The following ZNF394 variants were observed in gnomAD, a reference collection of about 807,000 sequenced individuals.
The protein encoded by ZNF394 is zinc finger protein 99.
ZNF394 carries 19 observed loss-of-function variants against 21.8 expected under a neutral mutation model. The ratio of observed to expected loss-of-function variants is 0.87; its 90% CI spans 0.61 to 1.28. The LOEUF is 1.28. ZNF394 is among the 50% of genes most tolerant of loss of function. The probability of loss-of-function intolerance (pLI) is 0.00; values close to 1 mark genes in which losing one functional copy is unlikely to be tolerated. For synonymous variants in ZNF394, 294 were observed against 273.3 expected (o/e 1.08, Z -0.75); for missense variants, 683 against 708.6 (o/e 0.96, Z 0.41).
At chr7:99,495,301 C>A (rs1281398205) in intron 2 of ZNF394, among the ~76,000 whole-genome samples, 3 of 151,132 alleles carry the variant, frequency 2.0e-5, no homozygotes, top group Admixed American at 6.6e-5. Context: ...GCCACAGCAC[C>A]CAGCCTATAT....
intron 2 of ZNF394, chr7:99,498,054 A>G (rs1800393602): frequency 6.6e-6 from 1 of 152,198 alleles, no homozygotes; most frequent in Admixed American, 6.5e-5. Context: ...ACTCCAACAT[A>G]GAAACAAATA....
downstream of ZNF394, among the ~76,000 whole-genome samples, chr7:99,492,354 T>C (rs1421760489): frequency 1.3e-5 from 2 of 151,270 alleles, no homozygotes; most frequent in African/African-American, 4.9e-5. Context: ...CAAAAGTGAA[T>C]AAAAAGGCCG....
rs1211179214 is a variant in ZNF394 at position 99,494,589 on chromosome 7, T to A, written c.626A>T (p.Gln209Leu). 3 of 1,602,434 alleles carry A rather than the reference T, an allele frequency of 1.9e-6. No homozygotes were observed. The East Asian group carries it at 6.7e-5, about 36-fold the overall frequency. The change falls in exon 3 of 3, where the codon CAA (glutamine) becomes CTA (leucine). Residue 209 changes from glutamine to leucine, a missense_variant. Gln to Leu is a moderately radical substitution (Grantham distance 113, BLOSUM62 -2). Coordinates refer to ENST00000337673, the MANE Select transcript of ZNF394 (RefSeq NM_032164.4). ...TGGCTCCGCTTCTTCTAAAATTTGT[T>A]GCATTGGAATCAACTCTTTGTTCTC... ...RVENKELIPM[Q>L]QILEEAEPQG...
intron 1 of ZNF394, chr7:99,487,183 C>A (rs2151075796): frequency 6.2e-7 from 1 of 1,614,132 alleles, no homozygotes; most frequent in East Asian, 2.2e-5. Flanking sequence ...CTTTGGCCGG[C>A]ATTCAACCCT....
chr7:99,494,906 T>C (rs1800258753), intron 2 of ZNF394, among the ~76,000 whole-genome samples: 1 of 151,528 alleles, frequency 6.6e-6, no homozygotes, highest in Non-Finnish European at 1.5e-5. Context: ...AGCTAATTTT[T>C]GTATTTTTAT....
At chr7:99,490,212 C>T (rs1473217575), downstream of ZNF394, among the ~76,000 whole-genome samples, 2 of 137,494 alleles carry the variant, frequency 1.5e-5, no homozygotes, top group African/African-American at 5.5e-5. Flanking sequence ...TGGAGTGCAG[C>T]GGTGAGATCT....
In ZNF394 at chr7:99,499,835, C is replaced by G. The variant is rs1029677557; in HGVS notation, c.259G>C (p.Glu87Gln). Residue 87 changes from glutamate (E) to glutamine (Q), a missense_variant, in exon 1 of 3, where the codon GAA becomes CAA. This residue lies in a region of ZNF394 where 402 missense variants were observed against 373.8 expected (regional missense o/e 1.08). Coordinates refer to ENST00000337673, the MANE Select transcript of ZNF394 (RefSeq NM_032164.4). ...GPEEALSRLR[E>Q]LCRRWLRPEL... is the part of the protein sequence containing the mutation. ...GGTCTCAGCCACCGACGACAGAGTTCTCGGAGCCGGCTCAGCGCCTCTTCC... is the reference window on the plus strand; with the variant it reads ...GGTCTCAGCCACCGACGACAGAGTTGTCGGAGCCGGCTCAGCGCCTCTTCC... 4 of 1,614,228 alleles carry G rather than the reference C, an allele frequency of 2.5e-6. No individual in the cohort carries two copies. Among genetic ancestry groups the G allele is most frequent in the Non-Finnish European group, 3.4e-6 (4 of 1,180,042 alleles).
In ZNF394 at chr7:99,493,774, G is replaced by A. The variant is rs376637716; in HGVS notation, c.1441C>T (p.Arg481Cys). ...CTGTGGTGTTTAAAGAGGTCAGAGC[G>A]CTGTTTGAAGCTCTTCTCGCATTCT... ...CEECEKSFKQ[R>C]SDLFKHHRIH... The change falls in exon 3 of 3, where the codon CGC (arginine) becomes TGC (cysteine). Residue 481 changes from arginine (R) to cysteine (C), a missense_variant. By Grantham distance (180) the Arg-to-Cys change is radical (BLOSUM62 -3). Coordinates refer to ENST00000337673, the MANE Select transcript of ZNF394 (RefSeq NM_032164.4). 24 of 1,614,126 alleles carry A rather than the reference G, an allele frequency of 1.5e-5. No homozygotes were observed. Among genetic ancestry groups the A allele is most frequent in the Admixed American group, 3.3e-5 (2 of 60,014 alleles).
chr7:99,492,975 C>T (rs1020781878), downstream of ZNF394, among the ~76,000 whole-genome samples: 19 of 152,004 alleles, frequency 1.2e-4, no homozygotes, highest in Admixed American at 2.0e-4. Context: ...AAAGGTAGAG[C>T]GCAGATAACA....
chr7:99,491,360 T>A (rs976244207), downstream of ZNF394, among the ~76,000 whole-genome samples: 28 of 152,152 alleles, frequency 1.8e-4, no homozygotes, highest in Admixed American at 4.6e-4. Context: ...ATAAGGGTGC[T>A]AAGAGCATCT....
chr7:99,493,984 C>T lies in ZNF394; in HGVS notation c.1231G>A (p.Glu411Lys), dbSNP rs760948373. 14 of 1,614,110 alleles carry T rather than the reference C, an allele frequency of 8.7e-6. No homozygotes were observed. Among genetic ancestry groups the T allele is most frequent in the Non-Finnish European group, 1.1e-5 (13 of 1,180,046 alleles). Residue 411 changes from glutamate (E) to lysine (K), a missense_variant, in exon 3 of 3, where the codon GAG becomes AAG. Physicochemically the swap from Glu to Lys is moderately conservative, Grantham distance 56 (BLOSUM62 1). This residue lies in a region of ZNF394 where 274 missense variants were observed against 314.1 expected (regional missense o/e 0.87). Transcript: ENST00000337673. ...LTKHQRTHTGEKPYTCLKCGE... is the reference protein window; with the variant it reads ...LTKHQRTHTGKKPYTCLKCGE... ...CATTTCAGACAGGTGTACGGCTTCT[C>T]GCCTGTGTGTGTCCTCTGGTGCTTG...
downstream of ZNF394, among the ~76,000 whole-genome samples, chr7:99,491,642 G>A (rs1349018095): frequency 3.3e-5 from 5 of 151,814 alleles, no homozygotes; most frequent in Admixed American, 3.3e-4. Context: ...CGGGTGTGGT[G>A]GCGAGTGCCT....
chr7:99,487,138 G>C, intron 1 of ZNF394: 1 of 1,614,168 alleles, frequency 6.2e-7, no homozygotes, highest in Non-Finnish European at 8.5e-7. Context: ...CCATAGTGGA[G>C]AAAAACGCCA....
downstream of ZNF394, among the ~76,000 whole-genome samples, chr7:99,490,645 A>G (rs2151078912): frequency 6.6e-6 from 1 of 151,466 alleles, no homozygotes; most frequent in East Asian, 2.0e-4. Context: ...TTTTTTTAAA[A>G]AAAAAGATAG....
rs1443988032 is a variant in ZNF394 at position 99,498,836 on chromosome 7, C to A, written c.463G>T (p.Val155Leu). The change falls in exon 2 of 3, where the codon GTG (valine) becomes TTG (leucine). Residue 155 changes from valine (V) to leucine (L), a missense_variant. Val to Leu is a conservative substitution (Grantham distance 32, BLOSUM62 1). Around this residue, in one of 3 missense-constraint regions of ZNF394, gnomAD observed 402 missense variants for 373.8 expected, o/e 1.08. Coordinates refer to ENST00000337673, the MANE Select transcript of ZNF394 (RefSeq NM_032164.4). Reference sequence around the variant, plus strand: ...GACACAGCCGTGTCCTCGAAAGTCACCATCCCCTGGAACAACACAAGAGCC... The same window carrying A: ...GACACAGCCGTGTCCTCGAAAGTCAACATCCCCTGGAACAACACAAGAGCC... ...ALDGTSSQGM[V>L]TFEDTAVSLT... 1 of 1,612,736 alleles carries A rather than the reference C, an allele frequency of 6.2e-7. No individual in the cohort carries two copies. Among genetic ancestry groups the A allele is most frequent in the South Asian group, 1.1e-5 (1 of 90,952 alleles).
rs1206330509 is a variant in ZNF394 at position 99,497,122 on chromosome 7, G to GTATATATATATA, written c.583+1582_583+1593dup. 3.1e-4 allele frequency among the ~76,000 whole-genome samples: 25 copies of GTATATATATATA among 79,418 alleles called. 1 individual carries two copies. The highest frequency in any genetic ancestry group is 5.3e-3 in the Middle Eastern group (1 of 190). 52.1% of individuals were successfully genotyped at this position (79,418 alleles called of 152,430 possible). On this transcript the variant is annotated intron_variant, in intron 2 of 2. Transcript: ENST00000337673. ...TGTGTGTGTGTGTGTGTGTGTGTGT[G>GTATATATATATA]TATATATATATATATATATGTATAT...
Position 99,499,809 on chromosome 7 carries a change from G to C in ZNF394, c.285C>G (p.Pro95=), listed in dbSNP as rs1483162320. The C allele has an allele frequency of 6.2e-7, 1 of 1,614,174 alleles. No homozygotes were observed. The highest frequency in any genetic ancestry group is 8.5e-7 in the Non-Finnish European group (1 of 1,180,036). Residue 95 remains proline (P), a synonymous_variant, in exon 1 of 3, where the codon CCC becomes CCG. Transcript: ENST00000337673. ...GGATCTGCTCCTTGGAGAGCAGCTC[G>C]GGTCTCAGCCACCGACGACAGAGTT... ...LRELCRRWLR[P]ELLSKEQILE...
chr7:99,490,146 CTTTT>C (rs943034221), downstream of ZNF394, among the ~76,000 whole-genome samples: 2 of 89,236 alleles, frequency 2.2e-5, no homozygotes, highest in Middle Eastern at 8.2e-3. Flanking sequence ...AAAACCTCAT[CTTTT>C]TTTTTTTTTT....
intron 2 of ZNF394, 107 bp downstream of exon 2, chr7:99,498,609 A>G: frequency 6.6e-7 from 1 of 1,523,420 alleles, no homozygotes; most frequent in Non-Finnish European, 8.9e-7. Context: ...AGGCACCTGA[A>G]GGCTCTCAGC....
Sources: allele counts gnomAD v4.1 joint callset (sites outside exome capture counted in the v4.1 genomes callset), GRCh38; gene constraint gnomAD v4.1.1; regional missense constraint gnomAD v4.1.1; transcripts MANE v1.5; gene names NCBI Gene and HGNC (gene_info 2026-07-23, HGNC 2026-07-21).